The following GCA variants were observed in gnomAD, a reference collection of about 807,000 sequenced individuals.
GCA encodes grancalcin, EF-hand calcium-binding protein.
Under a neutral mutation model 32.6 loss-of-function variants are expected in GCA, and 30 were observed. The observed-to-expected ratio is 0.92, with a 90% CI of 0.69 to 1.25. The LOEUF (loss-of-function observed/expected upper bound fraction) is 1.25. GCA is among the 50% of genes most tolerant of loss of function. The pLI is 0.00. For missense variants in GCA, 291 were observed against 266.8 expected (o/e 1.09, Z -0.63); for synonymous variants, 102 against 84.6 (o/e 1.21, Z -1.13).
chr2:162,330,539 G>T (rs1684039957), intron 1 of GCA, among the ~76,000 whole-genome samples: 2 of 152,164 alleles, frequency 1.3e-5, no homozygotes, highest in Non-Finnish European at 2.9e-5. Context: ...TGCTGATGTG[G>T]CCAATTCAGT....
Position 162,360,598 on chromosome 2 carries a change from A to T in GCA, c.*355A>T. 8.4e-7 allele frequency: 1 copy of T among 1,196,778 alleles called. No homozygotes were observed. Among genetic ancestry groups the T allele is most frequent in the Non-Finnish European group, 1.1e-6 (1 of 949,324 alleles). The allele number at this position is 1,196,778 out of a possible 1,614,324, so 74.1% of individuals were successfully genotyped here. On this transcript the variant is annotated 3_prime_UTR_variant, in exon 8 of 8. Coordinates refer to ENST00000437150, the MANE Select transcript of GCA (RefSeq NM_012198.5). ...AAGAAGCCAAATAATGAAAGCCTAG[A>T]AAAAACTAATTTATACTTATCTGAA...
intron 1 of GCA, among the ~76,000 whole-genome samples, chr2:162,335,511 G>C (rs1684241051): frequency 6.6e-6 from 1 of 152,126 alleles, no homozygotes; most frequent in Non-Finnish European, 1.5e-5. Context: ...GGTTGGGAGG[G>C]GGCATCCCTC....
At position 162,359,541 on chromosome 2, in the gene GCA, A is replaced by T. The variant is rs764260531; in HGVS notation, c.616A>T (p.Ile206Leu). The T allele has an allele frequency of 1.3e-6, 2 of 1,524,474 alleles. No individual in the cohort carries two copies. The highest frequency in any genetic ancestry group is 1.8e-6 in the Non-Finnish European group (2 of 1,107,110). 94.4% of individuals were successfully genotyped at this position (1,524,474 alleles called of 1,614,324 possible). ...CTTGCAACAAGGGTCTGCGAATTTC[A>T]TATATGACGATGTGAGTATCCTGCT... Reference protein sequence around the residue: ...DHLQQGSANFIYDDFLQGTMA... With the variant: ...DHLQQGSANFLYDDFLQGTMA... The change falls in exon 7 of 8, where the codon ATA (isoleucine) becomes TTA (leucine). Residue 206 changes from isoleucine to leucine, a missense_variant. Transcript: ENST00000437150.
chr2:162,372,025 A>G (rs1685967571), downstream of GCA: 1 of 1,613,432 alleles, frequency 6.2e-7, no homozygotes, highest in Non-Finnish European at 8.5e-7. Context: ...AGCTGTGTTC[A>G]GATGCACCCC....
chr2:162,344,465 C>T, intron 1 of GCA, 190 bp downstream of exon 1: 1 of 598,294 alleles, frequency 1.7e-6, no homozygotes, highest in Non-Finnish European at 3.0e-6. Flanking sequence ...GACTTGGAGC[C>T]GCAGGTTTTC....
chr2:162,359,507 A>G lies in GCA; in HGVS notation c.582A>G (p.Lys194=), dbSNP rs188727312. The part of the protein sequence containing the change: ...KLRALTDFFR[K]RDHLQQGSAN... ...CTTTGTTTAAAGATTTCTTTAGGAA[A>G]AGAGACCACTTGCAACAAGGGTCTG... The change falls in exon 7 of 8, where the codon AAA becomes AAG. Residue 194 remains lysine (K), a synonymous_variant. Transcript: ENST00000437150. 16 of 1,525,828 alleles carry G rather than the reference A, an allele frequency of 1.0e-5. No individual in the cohort carries two copies. The African/African-American group carries it at 2.2e-4, about 21-fold the overall frequency. 94.5% of individuals were successfully genotyped at this position (1,525,828 alleles called of 1,614,324 possible).
At chr2:162,326,725 C>T (rs1469388241) in intron 1 of GCA, among the ~76,000 whole-genome samples, 1 of 152,144 alleles carries the variant, frequency 6.6e-6, no homozygotes, top group African/African-American at 2.4e-5. Context: ...ACCATGTTGG[C>T]CAGGCTGGTC....
chr2:162,360,168 T>C (rs563907356), intron 7 of GCA, 49 bp from the exon 8 acceptor site: 3 of 1,175,988 alleles, frequency 2.6e-6, no homozygotes, highest in African/African-American at 3.2e-5. Context: ...TCAAAAATAA[T>C]TAAAAACCAT....
At chr2:162,371,012 A>G (rs1685916623) in intron 4 of GCA, among the ~76,000 whole-genome samples, 1 of 152,022 alleles carries the variant, frequency 6.6e-6, no homozygotes, top group Non-Finnish European at 1.5e-5. Context: ...TAAAATGTGA[A>G]TCACAAGAAA....
At position 162,360,593 on chromosome 2, in the gene GCA, C is replaced by A; in HGVS notation, c.*350C>A. The A allele has an allele frequency of 2.6e-6, 3 of 1,161,318 alleles. No individual in the cohort carries two copies. The highest frequency in any genetic ancestry group is 3.3e-6 in the Non-Finnish European group (3 of 918,256). The allele number at this position is 1,161,318 out of a possible 1,614,324, so 71.9% of individuals were successfully genotyped here. On this transcript the variant is annotated 3_prime_UTR_variant, in exon 8 of 8. Transcript: ENST00000437150. ...TGTATAAGAAGCCAAATAATGAAAGCCTAGAAAAAACTAATTTATACTTAT... is the reference window on the plus strand; with the variant it reads ...TGTATAAGAAGCCAAATAATGAAAGACTAGAAAAAACTAATTTATACTTAT...
At chr2:162,371,924 T>C (rs1422405033), downstream of GCA, 11 of 1,613,790 alleles carry the variant, frequency 6.8e-6, no homozygotes, top group East Asian at 2.2e-5. Context: ...GGATGCCTAA[T>C]TGGATGAACG....
downstream of GCA, among the ~76,000 whole-genome samples, chr2:162,365,282 TTTCTC>T (rs1297922047): frequency 6.6e-6 from 1 of 151,570 alleles, no homozygotes; most frequent in Non-Finnish European, 1.5e-5. Context: ...AACTTGTACA[TTTCTC>T]TTAGCTACCA....
At chr2:162,365,445 A>G (rs1685722983), downstream of GCA, among the ~76,000 whole-genome samples, 1 of 151,692 alleles carries the variant, frequency 6.6e-6, no homozygotes, top group South Asian at 2.1e-4. Context: ...TAAAAAATAA[A>G]TATTTCTGCA....
intron 1 of GCA, among the ~76,000 whole-genome samples, chr2:162,329,106 T>G (rs1173456530): frequency 6.6e-6 from 1 of 151,716 alleles, no homozygotes; most frequent in Non-Finnish European, 1.5e-5. Context: ...GTCTCGGGGG[T>G]TTTTTTATAG....
In GCA at chr2:162,362,098, AG is replaced by A; in HGVS notation, c.*1857del. On this transcript the variant is annotated 3_prime_UTR_variant, in exon 8 of 8. Transcript: ENST00000437150. ...TGTTCTTATGACTTTTGGTCATAGA[AG>A]GTCTATGAAGGAGCTTCCATGGCCA... The A allele has an allele frequency of 1.0e-6, 1 of 982,570 alleles. No individual in the cohort carries two copies. Among genetic ancestry groups the A allele is most frequent in the Non-Finnish European group, 1.2e-6 (1 of 827,536 alleles). 60.9% of individuals were successfully genotyped at this position (982,570 alleles called of 1,614,324 possible). A position where few individuals can be genotyped will look rare whatever the true frequency, so the allele number is the denominator to read the frequency against.
At chr2:162,344,122 C>G, upstream of GCA, 1 of 961,466 alleles carries the variant, frequency 1.0e-6, no homozygotes, top group Non-Finnish European at 1.6e-6. Flanking sequence ...GAGGAGTGAA[C>G]TGTGCGGTTA....
chr2:162,371,332 T>C, exon 5 of GCA: 2 of 1,288,986 alleles, frequency 1.6e-6, no homozygotes, highest in South Asian at 2.5e-5. Context: ...TAATTAACTT[T>C]GAACATCTTG....
intron 4 of GCA, among the ~76,000 whole-genome samples, chr2:162,368,387 G>A (rs1413296567): frequency 1.3e-5 from 2 of 151,730 alleles, no homozygotes; most frequent in African/African-American, 4.8e-5. Context: ...ACTCTGTTAT[G>A]CAATTCATTT....
At chr2:162,347,285 G>GTGAT (rs2105313715) in intron 1 of GCA, among the ~76,000 whole-genome samples, 1 of 152,054 alleles carries the variant, frequency 6.6e-6, no homozygotes, top group Admixed American at 6.5e-5. Context: ...CAGTGATGTT[G>GTGAT]GTAAACATTT....
Sources: allele counts gnomAD v4.1 joint callset (sites outside exome capture counted in the v4.1 genomes callset), GRCh38; gene constraint gnomAD v4.1.1; transcripts MANE v1.5; gene names NCBI Gene and HGNC (gene_info 2026-07-23, HGNC 2026-07-21).